Variants in SLC2A7 observed in about 807,000 individuals in gnomAD.
The protein encoded by SLC2A7 is solute carrier family 2, facilitated glucose transporter member 7.
In SLC2A7, 50 loss-of-function variants were observed where a neutral mutation model predicts 50.5. That is an observed-to-expected ratio of 0.99 (90% CI 0.79 to 1.25). The LOEUF (loss-of-function observed/expected upper bound fraction) is 1.25. Ranked by LOEUF, SLC2A7 falls within the 50% of genes most tolerant of loss-of-function variation. SLC2A7 has a pLI of 0.00. For missense variants in SLC2A7, 683 were observed against 679.1 expected (o/e 1.01, Z -0.06); for synonymous variants, 308 against 300.4 (o/e 1.03, Z -0.26).
chr1:9,019,082 G>T, intron 4 of SLC2A7, 127 bp downstream of exon 4: 3 of 1,258,610 alleles, frequency 2.4e-6, no homozygotes, highest in Non-Finnish European at 3.3e-6. Flanking sequence ...GCCTGGGGAT[G>T]CAGATGGGAG....
chr1:9,002,770 G>C (rs550016222), downstream of SLC2A7, among the ~76,000 whole-genome samples: 1 of 152,176 alleles, frequency 6.6e-6, no homozygotes, highest in Admixed American at 6.5e-5. Flanking sequence ...CCCACCTGAC[G>C]AGAAATACCC....
chr1:9,010,249 A>T lies in SLC2A7; in HGVS notation c.1015-5T>A. 3 of 1,550,376 alleles carry T rather than the reference A, an allele frequency of 1.9e-6. No homozygotes were observed. Among genetic ancestry groups the T allele is most frequent in the Non-Finnish European group, 2.6e-6 (3 of 1,146,648 alleles). On this transcript the variant is annotated splice_region_variant and splice_polypyrimidine_tract_variant and intron_variant, in intron 8 of 11. Coordinates refer to ENST00000400906, the MANE Select transcript of SLC2A7 (RefSeq NM_207420.3). The stretch of plus-strand genomic sequence containing the variant: ...CAGCCGCTCCACAAGGACAGCCTGG[A>T]GGGGAAGGGGGACAGTGAGAAGCCG...
Position 9,019,247 on chromosome 1 carries a change from A to T in SLC2A7, c.398T>A (p.Leu133Gln). Residue 133 changes from leucine (L) to glutamine (Q), a missense_variant, in exon 4 of 12, where the codon CTG (leucine) becomes CAG (glutamine). Physicochemically the swap from Leu to Gln is moderately radical, Grantham distance 113. Transcript: ENST00000400906. The part of the protein sequence containing the change: ...GVSKVAKAFE[L>Q]IVFSRVVLGV... ...CAGCACCACTCGGGAAAAGACGATC[A>T]GCTCAAAAGCCTTGGCCACTTTGCT... The T allele has an allele frequency of 6.2e-7, 1 of 1,614,150 alleles. No individual in the cohort carries two copies. The highest frequency in any genetic ancestry group is 8.5e-7 in the Non-Finnish European group (1 of 1,179,978).
chr1:9,021,096 G>A (rs1003476407), intron 3 of SLC2A7, among the ~76,000 whole-genome samples: 6 of 152,220 alleles, frequency 3.9e-5, no homozygotes, highest in Admixed American at 3.9e-4. Flanking sequence ...AATACACTCC[G>A]CCTCCCGGGT....
At position 9,008,628 on chromosome 1, in the gene SLC2A7, T is replaced by G. The variant is rs2124241848; in HGVS notation, c.1117-1243A>C. On this transcript the variant is annotated intron_variant, in intron 9 of 11. Transcript: ENST00000400906. The surrounding 1 kb of genome is among the most constrained non-coding windows in gnomAD (Gnocchi z 5.9). ...GTTTTTTTTTTTTTTAGACAGAATCTCGCTCTGTCACCCAGGCTGGAGCAG... is the reference window on the plus strand; with the variant it reads ...GTTTTTTTTTTTTTTAGACAGAATCGCGCTCTGTCACCCAGGCTGGAGCAG... Among the ~76,000 whole-genome samples the G allele has an allele frequency of 6.7e-6, 1 of 148,402 alleles. No homozygotes were observed. The highest frequency in any genetic ancestry group is 6.8e-5 in the Admixed American group (1 of 14,630).
At chr1:9,026,108 G>A (rs1640996945) in intron 1 of SLC2A7, among the ~76,000 whole-genome samples, 187 bp downstream of exon 1, 2 of 152,234 alleles carry the variant, frequency 1.3e-5, no homozygotes, top group South Asian at 2.1e-4. Flanking sequence ...CCTGGCCCAT[G>A]TCTGAGCCAT....
chr1:9,009,716 C>T (rs987019379), intron 9 of SLC2A7, among the ~76,000 whole-genome samples: 2 of 152,322 alleles, frequency 1.3e-5, no homozygotes, highest in South Asian at 2.1e-4. Flanking sequence ...CCTTGGCCTC[C>T]CAAAGTGCTA....
chr1:9,015,076 G>C (rs555498718), intron 6 of SLC2A7, 41 bp downstream of exon 6: 2 of 1,608,410 alleles, frequency 1.2e-6, no homozygotes, highest in African/African-American at 2.7e-5. Context: ...CCTGGCCCCC[G>C]GGGTGGGCAG....
intron 2 of SLC2A7, 148 bp downstream of exon 2, chr1:9,024,828 T>C (rs1640970235): frequency 2.5e-6 from 2 of 796,130 alleles, no homozygotes; most frequent in Non-Finnish European, 4.1e-6. Context: ...GCATCCAGGG[T>C]ACTAGGGCAA....
In SLC2A7 at chr1:9,003,232, G is replaced by A. The variant is rs923523573; in HGVS notation, c.*68C>T. ...CGTGCTATTATCCTCCCCAGAGCCTGGGGCCGGGAGGCCCATTGTCATAGA... is the reference window on the plus strand; with the variant it reads ...CGTGCTATTATCCTCCCCAGAGCCTAGGGCCGGGAGGCCCATTGTCATAGA... On this transcript the variant is annotated 3_prime_UTR_variant, in exon 12 of 12. Transcript: ENST00000400906. The A allele has an allele frequency of 4.7e-5, 69 of 1,458,724 alleles. No homozygotes were observed. The highest frequency in any genetic ancestry group is 2.9e-5 in the Non-Finnish European group (31 of 1,056,300). 90.4% of individuals were successfully genotyped at this position (1,458,724 alleles called of 1,614,324 possible). A position where few individuals can be genotyped will look rare whatever the true frequency, so the allele number is the denominator to read the frequency against.
At chr1:9,019,106 GAA>G (rs1640873481) in intron 4 of SLC2A7, 101 bp downstream of exon 4, 2 of 1,470,586 alleles carry the variant, frequency 1.4e-6, no homozygotes, top group Non-Finnish European at 1.8e-6. Context: ...GTCTTGAAAT[GAA>G]AAGAGGCAGA....
downstream of SLC2A7, among the ~76,000 whole-genome samples, chr1:9,002,224 C>A (rs1225660453): frequency 6.6e-6 from 1 of 152,124 alleles, no homozygotes; most frequent in Non-Finnish European, 1.5e-5. Flanking sequence ...CTGACCGTCC[C>A]CCAGCCCGAC....
At chr1:9,011,966 T>G (rs569005639) in intron 8 of SLC2A7, among the ~76,000 whole-genome samples, 2 of 152,018 alleles carry the variant, frequency 1.3e-5, no homozygotes, top group African/African-American at 4.8e-5. Flanking sequence ...GCCAGGCTGG[T>G]CTCGAACTCC....
At chr1:9,021,467 CCT>C (rs1640912024) in intron 3 of SLC2A7, among the ~76,000 whole-genome samples, 1 of 152,090 alleles carries the variant, frequency 6.6e-6, no homozygotes, top group Admixed American at 6.5e-5. Context: ...CCGCTGGGAC[CCT>C]GAGTGAGTGC....
chr1:8,996,868 C>T, the SLC2A7 span, among the ~76,000 whole-genome samples: 2 of 151,844 alleles, frequency 1.3e-5, no homozygotes, highest in Non-Finnish European at 2.9e-5. Flanking sequence ...CTCTGCCTCC[C>T]GGGATCAAGC....
intron 11 of SLC2A7, 128 bp downstream of exon 11, chr1:9,004,623 TG>T: frequency 8.5e-7 from 1 of 1,178,552 alleles, no homozygotes; most frequent in Non-Finnish European, 1.2e-6. Flanking sequence ...CGTGTGTCTG[TG>T]GACCCTTGGA....
In SLC2A7 at chr1:9,010,719, A is replaced by G. The variant is rs1640736726; in HGVS notation, c.1015-475T>C. On this transcript the variant is annotated intron_variant, in intron 8 of 11. Transcript: ENST00000400906. Reference sequence around the variant, plus strand: ...GTGGGATGCAGGCCGCTGATTTGACATGGGTCAGACATTCATGCTCTTCAC... The same window carrying G: ...GTGGGATGCAGGCCGCTGATTTGACGTGGGTCAGACATTCATGCTCTTCAC... Among the ~76,000 whole-genome samples, 3 of 152,118 alleles carry G rather than the reference A, an allele frequency of 2.0e-5. No individual in the cohort carries two copies. In the South Asian group the frequency reaches 6.2e-4, roughly 32 times the overall value.
intron 3 of SLC2A7, among the ~76,000 whole-genome samples, chr1:9,020,673 C>CT (rs201609038): frequency 0.18 from 24,313 of 138,214 alleles, 3,069 homozygotes; most frequent in East Asian, 0.48. Flanking sequence ...CTGATATTCT[C>CT]TCTTTTTTTT....
intron 8 of SLC2A7, among the ~76,000 whole-genome samples, chr1:9,011,216 C>T (rs999250994): frequency 1.3e-5 from 2 of 152,266 alleles, no homozygotes; most frequent in African/African-American, 4.8e-5. Flanking sequence ...CCTGACCAAC[C>T]CTGGGGCTTC....
Sources: allele counts gnomAD v4.1 joint callset (sites outside exome capture counted in the v4.1 genomes callset), GRCh38; gene constraint gnomAD v4.1.1; non-coding constraint Gnocchi (gnomAD v3.1); transcripts MANE v1.5; gene names NCBI Gene and HGNC (gene_info 2026-07-23, HGNC 2026-07-21).